Variants in NSRP1 observed in about 807,000 individuals in gnomAD.
NSRP1 encodes the protein nuclear speckle splicing regulatory protein 1.
Under a neutral mutation model 54.7 loss-of-function variants are expected in NSRP1, and 24 were observed. The observed-to-expected ratio is 0.44, with a 90% confidence interval of 0.32 to 0.62. The LOEUF (loss-of-function observed/expected upper bound fraction) is 0.62, where lower values mean the gene tolerates loss of function less well. Ranked by LOEUF, NSRP1 falls within the 20% of genes least tolerant of loss-of-function variation. The probability of loss-of-function intolerance (pLI) is 0.06; values close to 1 mark genes in which losing one functional copy is unlikely to be tolerated. For missense variants in NSRP1, 596 were observed against 651.2 expected (o/e 0.92, Z 0.92); for synonymous variants, 210 against 213.8 (o/e 0.98, Z 0.15).
chr17:30,146,300 T>C (rs901640328), intron 2 of NSRP1, among the ~76,000 whole-genome samples: 3 of 152,224 alleles, frequency 2.0e-5, no homozygotes, highest in Non-Finnish European at 4.4e-5. Flanking sequence ...TTAAAACTCT[T>C]CTGAGATTTG....
At chr17:30,127,835 A>AT (rs1025864846) in intron 2 of NSRP1, 27 of 393,034 alleles carry the variant, frequency 6.9e-5, no homozygotes, top group African/African-American at 1.7e-4. Context: ...ATTACTTATT[A>AT]TTTTTTTTCA....
In NSRP1 at chr17:30,185,371, A is replaced by G. The variant is rs1340966450; in HGVS notation, c.1374A>G (p.Pro458=). 3 of 1,612,492 alleles carry G rather than the reference A, an allele frequency of 1.9e-6. No homozygotes were observed. In the African/African-American group the frequency reaches 4.0e-5, roughly 22 times the overall value. The part of the protein sequence containing the change: ...ERNQDRKESS[P]NSRAKDKFLD... ...ATCAAGACAGAAAGGAAAGCAGCCC[A>G]AATTCTAGGGCAAAGGATAAATTTC... Residue 458 remains proline, a synonymous_variant, in exon 7 of 7, where the codon CCA becomes CCG. Coordinates refer to ENST00000247026, the MANE Select transcript of NSRP1 (RefSeq NM_032141.4).
chr17:30,117,567 A>AT (rs1360087879), intron 1 of NSRP1: 15 of 390,500 alleles, frequency 3.8e-5, no homozygotes, highest in African/African-American at 2.7e-4. Context: ...AACTTGCCCC[A>AT]TGGCTACTTG....
At chr17:30,147,271 G>A (rs2071864860) in intron 2 of NSRP1, among the ~76,000 whole-genome samples, 1 of 151,712 alleles carries the variant, frequency 6.6e-6, no homozygotes, top group South Asian at 2.1e-4. Flanking sequence ...TGGGATTACA[G>A]GCCTCCGCCA....
chr17:30,178,251 T>C (rs1030904495), intron 4 of NSRP1, 52 bp downstream of exon 4: 10 of 1,560,358 alleles, frequency 6.4e-6, no homozygotes, highest in Non-Finnish European at 8.6e-6. Flanking sequence ...ACATTTTGTG[T>C]CTTAATCTTA....
chr17:30,183,453 T>TA (rs1905387488), intron 6 of NSRP1, among the ~76,000 whole-genome samples: 1 of 152,224 alleles, frequency 6.6e-6, no homozygotes, highest in African/African-American at 2.4e-5. Context: ...ATCTTTGTAT[T>TA]AGAGTTTCAT....
chr17:30,141,969 A>G (rs1193458671), intron 2 of NSRP1, among the ~76,000 whole-genome samples: 3 of 152,136 alleles, frequency 2.0e-5, no homozygotes, highest in African/African-American at 4.8e-5. Context: ...ACGCCAGTGC[A>G]CTCCAGCCTG....
chr17:30,145,598 C>CT (rs1242316825), intron 2 of NSRP1, among the ~76,000 whole-genome samples: 1 of 152,058 alleles, frequency 6.6e-6, no homozygotes, highest in African/African-American at 2.4e-5. Flanking sequence ...AATTATTTCA[C>CT]TAAGTACTGA....
chr17:30,138,406 G>A (rs1195594518), intron 2 of NSRP1, among the ~76,000 whole-genome samples: 2 of 152,106 alleles, frequency 1.3e-5, no homozygotes, highest in Non-Finnish European at 2.9e-5. Flanking sequence ...ATCTGTGAAT[G>A]CCCAAGTCCC....
At chr17:30,144,986 G>T (rs1428012936) in intron 2 of NSRP1, among the ~76,000 whole-genome samples, 1 of 151,992 alleles carries the variant, frequency 6.6e-6, no homozygotes, top group Non-Finnish European at 1.5e-5. Flanking sequence ...ATTATATTTT[G>T]TTTTGAGTAC....
At chr17:30,123,831 G>T (rs759535524) in intron 2 of NSRP1, among the ~76,000 whole-genome samples, 1 of 151,778 alleles carries the variant, frequency 6.6e-6, no homozygotes, top group African/African-American at 2.4e-5. Flanking sequence ...CCATTAAATC[G>T]TCCATCGTCT....
intron 6 of NSRP1, among the ~76,000 whole-genome samples, chr17:30,182,151 TAAG>T (rs1233077840): frequency 1.3e-5 from 2 of 150,554 alleles, no homozygotes; most frequent in Non-Finnish European, 2.9e-5. Flanking sequence ...CTGTCAGAAT[TAAG>T]GAGAAAGTTG....
chr17:30,146,505 A>G (rs1422856864), intron 2 of NSRP1, among the ~76,000 whole-genome samples: 3 of 152,222 alleles, frequency 2.0e-5, no homozygotes, highest in African/African-American at 7.2e-5. Flanking sequence ...TTGGGATTAC[A>G]GGTGTGAGCC....
At chr17:30,124,346 GT>G (rs2071632131) in intron 2 of NSRP1, among the ~76,000 whole-genome samples, 1 of 152,218 alleles carries the variant, frequency 6.6e-6, no homozygotes, top group Non-Finnish European at 1.5e-5. Flanking sequence ...AATCTAGAGA[GT>G]TTTTTGATGT....
At chr17:30,158,402 C>T (rs149763767) in intron 2 of NSRP1, among the ~76,000 whole-genome samples, 6 of 149,312 alleles carry the variant, frequency 4.0e-5, no homozygotes, top group Non-Finnish European at 7.4e-5. Context: ...AACGTTTTCT[C>T]TCATTCATCA....
At chr17:30,152,048 G>A (rs999168833) in intron 2 of NSRP1, among the ~76,000 whole-genome samples, 8 of 151,946 alleles carry the variant, frequency 5.3e-5, no homozygotes, top group East Asian at 1.9e-4. Flanking sequence ...GATTACAGGC[G>A]TGAGCCACCA....
At chr17:30,147,332 G>A (rs1460169595) in intron 2 of NSRP1, among the ~76,000 whole-genome samples, 1 of 151,864 alleles carries the variant, frequency 6.6e-6, no homozygotes, top group Non-Finnish European at 1.5e-5. Flanking sequence ...GTTTCACCAT[G>A]TTGGCTAGGC....
intron 2 of NSRP1, among the ~76,000 whole-genome samples, chr17:30,153,716 A>G (rs952170760): frequency 6.6e-6 from 1 of 152,158 alleles, no homozygotes; most frequent in Non-Finnish European, 1.5e-5. Flanking sequence ...AACAGGCCAC[A>G]TGGTCCACCA....
intron 1 of NSRP1, chr17:30,117,444 G>A (rs2071547364): frequency 2.3e-6 from 1 of 428,538 alleles, no homozygotes; most frequent in Non-Finnish European, 4.1e-6. Flanking sequence ...GGCCTCCCGT[G>A]ATCTCCGCAT....
Sources: gnomAD v4.1 joint callset for allele counts (sites outside exome capture counted in the v4.1 genomes callset) on GRCh38, gnomAD v4.1.1 for gene constraint, MANE v1.5 for transcripts, NCBI Gene and HGNC (gene_info 2026-07-23, HGNC 2026-07-21) for gene names.